The following DNAJB14 variants were observed in gnomAD, a reference collection of about 807,000 sequenced individuals.
The protein encoded by DNAJB14 is dnaJ homolog subfamily B member 14.
Under a neutral mutation model 48.4 loss-of-function variants are expected in DNAJB14, and 22 were observed. That is an observed-to-expected ratio of 0.45 (90% CI 0.32 to 0.65). DNAJB14 has a LOEUF of 0.65. Among genes scored for constraint, DNAJB14 ranks in the 30% least tolerant of loss-of-function variants. The pLI is 0.03. For missense variants in DNAJB14, 319 were observed against 458.8 expected (o/e 0.70, Z 2.78); for synonymous variants, 142 against 158.7 (o/e 0.89, Z 0.79).
At position 99,899,985 on chromosome 4, in the gene DNAJB14, G is replaced by C. The variant is rs1725242998; in HGVS notation, c.*1043C>G. The C allele has an allele frequency of 6.6e-6, 1 of 152,356 alleles. No individual in the cohort carries two copies. Among genetic ancestry groups the C allele is most frequent in the African/African-American group, 2.4e-5 (1 of 41,420 alleles). 9.4% of individuals were successfully genotyped at this position (152,356 alleles called of 1,614,324 possible). On this transcript the variant is annotated 3_prime_UTR_variant, in exon 8 of 8. Transcript: ENST00000442697. ...ACTTGCATGTGGCCAAACAGATCATGCTCTGATCAGATAAGTATACTGTAA... is the reference window on the plus strand; with the variant it reads ...ACTTGCATGTGGCCAAACAGATCATCCTCTGATCAGATAAGTATACTGTAA...
At chr4:99,902,446 T>C (rs1295330073) in intron 7 of DNAJB14, among the ~76,000 whole-genome samples, 1 of 152,026 alleles carries the variant, frequency 6.6e-6, no homozygotes, top group Admixed American at 6.6e-5. Flanking sequence ...AAATCACTAG[T>C]CTAATGTAAG....
intron 1 of DNAJB14, among the ~76,000 whole-genome samples, chr4:99,940,708 G>C (rs1726860891): frequency 6.8e-6 from 1 of 147,180 alleles, no homozygotes; most frequent in Non-Finnish European, 1.5e-5. Context: ...TAGTTAGCTA[G>C]CTGTCTAGCT....
chr4:99,934,267 T>G (rs781591640), intron 1 of DNAJB14, among the ~76,000 whole-genome samples: 1 of 152,084 alleles, frequency 6.6e-6, no homozygotes, highest in Non-Finnish European at 1.5e-5. Context: ...CAGAAGGATC[T>G]CTACGTATTT....
intron 1 of DNAJB14, among the ~76,000 whole-genome samples, chr4:99,932,887 T>C (rs569725230): frequency 2.0e-5 from 3 of 152,140 alleles, no homozygotes; most frequent in Admixed American, 6.5e-5. Flanking sequence ...CAAAAGATGG[T>C]ATACTATACG....
At position 99,906,522 on chromosome 4, in the gene DNAJB14, C is replaced by A; in HGVS notation, c.727G>T (p.Gly243Ter). The A allele has an allele frequency of 6.2e-7, 1 of 1,611,042 alleles. No individual in the cohort carries two copies. Among genetic ancestry groups the A allele is most frequent in the Non-Finnish European group, 8.5e-7 (1 of 1,179,378 alleles). ...HSGHEREEER[G>*]DGGFSVFIQL... Reference sequence around the variant, plus strand: ...ATTTCTAGTCATAAACGTACATCTCCTCTTTCCTCTTCTCTTTCATGTCCA... The same window carrying A: ...ATTTCTAGTCATAAACGTACATCTCATCTTTCCTCTTCTCTTTCATGTCCA... Residue 243 changes from glycine to a stop codon, truncating the protein, a stop_gained, in exon 5 of 8, where the codon GGA becomes TGA. Transcript: ENST00000442697. LOFTEE classifies it high-confidence loss of function.
chr4:99,903,887 T>G lies in DNAJB14; in HGVS notation c.854A>C (p.Gln285Pro). The G allele has an allele frequency of 5.0e-6, 8 of 1,612,076 alleles. No individual in the cohort carries two copies. Among genetic ancestry groups the G allele is most frequent in the Non-Finnish European group, 6.8e-6 (8 of 1,179,124 alleles). Residue 285 changes from glutamine to proline, a missense_variant, in exon 7 of 8, where the codon CAA becomes CCA. Gln to Pro is a moderately conservative substitution (Grantham distance 76, BLOSUM62 -1). This residue lies in a region of DNAJB14 where 166 missense variants were observed against 236.3 expected (regional missense o/e 0.70). Coordinates refer to ENST00000442697, the MANE Select transcript of DNAJB14 (RefSeq NM_001031723.4). ...GTTTTCTGTTTGCATTTTAATAGTT[T>G]GCCCAGTTCCACTGTAAAAGAGATG... ...YSLYPRSGTG[Q>P]TIKMQTENLG... is the part of the protein sequence containing the mutation.
intron 1 of DNAJB14, among the ~76,000 whole-genome samples, chr4:99,931,745 T>C (rs1204434114): frequency 6.6e-6 from 1 of 151,528 alleles, no homozygotes; most frequent in East Asian, 1.9e-4. Context: ...TATATATATA[T>C]ATATATACCA....
At position 99,897,831 on chromosome 4, in the gene DNAJB14, G is replaced by A. The variant is rs1363164451; in HGVS notation, c.*3197C>T. Reference sequence around the variant, plus strand: ...ATAGTACTGAACCCAAGCTTCACATGGGGAAGCTCAAGAAATGTACAAATT... The same window carrying A: ...ATAGTACTGAACCCAAGCTTCACATAGGGAAGCTCAAGAAATGTACAAATT... On this transcript the variant is annotated 3_prime_UTR_variant, in exon 8 of 8. Transcript: ENST00000442697. The A allele has an allele frequency of 6.6e-6, 1 of 151,964 alleles. No individual in the cohort carries two copies. The highest frequency in any genetic ancestry group is 1.5e-5 in the Non-Finnish European group (1 of 67,882). The allele number at this position is 151,964 out of a possible 1,614,324, so 9.4% of individuals were successfully genotyped here.
intron 1 of DNAJB14, among the ~76,000 whole-genome samples, chr4:99,945,903 C>A (rs1026497979): frequency 1.3e-5 from 2 of 152,192 alleles, no homozygotes; most frequent in African/African-American, 4.8e-5. Context: ...GTGTGCTCTT[C>A]TCTTTTAAAG....
At chr4:99,931,408 G>A (rs1405870490) in intron 1 of DNAJB14, among the ~76,000 whole-genome samples, 4 of 152,108 alleles carry the variant, frequency 2.6e-5, no homozygotes, top group African/African-American at 9.7e-5. Flanking sequence ...GTGATTGGGA[G>A]TGATTATACT....
rs1462385518 is a variant in DNAJB14, at chr4:99,897,127, C to T, written c.*3901G>A. 6.6e-6 allele frequency: 1 copy of T among 150,616 alleles called. No individual in the cohort carries two copies. The highest frequency in any genetic ancestry group is 2.4e-5 in the African/African-American group (1 of 40,906). The allele number at this position is 150,616 out of a possible 1,614,324, so 9.3% of individuals were successfully genotyped here. ...ATATCCACTGCTAATGGAAGCCCTG[C>T]TCTGTGCAAACATAGTGTGGTATAT... On this transcript the variant is annotated 3_prime_UTR_variant, in exon 8 of 8. Coordinates refer to ENST00000442697, the MANE Select transcript of DNAJB14 (RefSeq NM_001031723.4).
At chr4:99,936,837 T>C (rs1269848858) in intron 1 of DNAJB14, among the ~76,000 whole-genome samples, 2 of 152,180 alleles carry the variant, frequency 1.3e-5, no homozygotes, top group African/African-American at 4.8e-5. Flanking sequence ...TGAGGCTGAA[T>C]GCTAACTGAT....
intron 2 of DNAJB14, chr4:99,926,369 C>T (rs116873394): frequency 6.6e-6 from 1 of 152,178 alleles, no homozygotes; most frequent in East Asian, 1.9e-4. Flanking sequence ...ACGTTCAGAT[C>T]AAATGTGATG....
chr4:99,936,674 G>A (rs1726687827), intron 1 of DNAJB14, among the ~76,000 whole-genome samples: 1 of 152,118 alleles, frequency 6.6e-6, no homozygotes, highest in Admixed American at 6.5e-5. Context: ...ATTTTTTTGT[G>A]TTAGGAAATT....
At chr4:99,938,477 A>G (rs937665193) in intron 1 of DNAJB14, among the ~76,000 whole-genome samples, 2 of 151,966 alleles carry the variant, frequency 1.3e-5, no homozygotes, top group African/African-American at 4.8e-5. Flanking sequence ...GTCTTAGAAA[A>G]TGTATGCTCA....
intron 3 of DNAJB14, among the ~76,000 whole-genome samples, chr4:99,918,027 A>G (rs1578222330): frequency 6.6e-6 from 1 of 152,082 alleles, no homozygotes; most frequent in African/African-American, 2.4e-5. Flanking sequence ...AAATTTGGGA[A>G]GTTTTCAACC....
chr4:99,939,407 G>A (rs961653836), intron 1 of DNAJB14, among the ~76,000 whole-genome samples: 2 of 152,084 alleles, frequency 1.3e-5, no homozygotes, highest in African/African-American at 2.4e-5. Context: ...ATAAATAAAC[G>A]TGGCCACGAA....
intron 3 of DNAJB14, among the ~76,000 whole-genome samples, chr4:99,916,094 G>A (rs1054242636): frequency 1.3e-5 from 2 of 151,736 alleles, no homozygotes; most frequent in African/African-American, 4.8e-5. Context: ...TTTTTATTCT[G>A]GATATAGTGT....
At position 99,906,463 on chromosome 4, in the gene DNAJB14, T is replaced by G. The variant is rs929029546; in HGVS notation, c.732+54A>C. The G allele has an allele frequency of 5.9e-6, 9 of 1,535,100 alleles. No individual in the cohort carries two copies. The African/African-American group carries it at 1.1e-4, about 19-fold the overall frequency. The stretch of plus-strand genomic sequence containing the variant: ...TTGCCCTCTTTTCAGACAACTCTAA[T>G]TACTTTTCCTGAGCTGAAATTTGCC... On this transcript the variant is annotated intron_variant, in intron 5 of 7. Transcript: ENST00000442697.
Sources: gnomAD v4.1 joint callset for allele counts (sites outside exome capture counted in the v4.1 genomes callset) on GRCh38, gnomAD v4.1.1 for gene constraint, gnomAD v4.1.1 regional missense constraint, MANE v1.5 for transcripts, NCBI Gene and HGNC (gene_info 2026-07-23, HGNC 2026-07-21) for gene names.